The following TYW3 variants were observed in gnomAD, a reference collection of about 807,000 sequenced individuals.
The protein encoded by TYW3 is tRNA wybutosine-synthesizing protein 3 homolog.
A neutral mutation model predicts 23.1 loss-of-function variants in TYW3; 26 were observed. The observed-to-expected ratio is 1.13, with a 90% CI of 0.83 to 1.56. TYW3 has a LOEUF of 1.56. Ranked by LOEUF, TYW3 falls within the 40% of genes most tolerant of loss-of-function variation. The pLI is 0.00. For missense variants in TYW3, 316 were observed against 311.9 expected (o/e 1.01, Z -0.10); for synonymous variants, 102 against 105.7 (o/e 0.97, Z 0.21).
At chr1:74,739,198 A>T (rs1280231516) in intron 3 of TYW3, among the ~76,000 whole-genome samples, 1 of 152,130 alleles carries the variant, frequency 6.6e-6, no homozygotes, top group Non-Finnish European at 1.5e-5. Context: ...TCCTTTTTAT[A>T]CCTTTTATAT....
At chr1:74,748,396 A>G (rs546353714) in intron 3 of TYW3, among the ~76,000 whole-genome samples, 25 of 152,352 alleles carry the variant, frequency 1.6e-4, no homozygotes, top group Admixed American at 7.8e-4. Flanking sequence ...CATTGTACTC[A>G]TTTTAAAAGA....
At chr1:74,761,544 A>AG (rs1286305463) in intron 5 of TYW3, 1 of 152,120 alleles carries the variant, frequency 6.6e-6, no homozygotes, top group Non-Finnish European at 1.5e-5. Flanking sequence ...AAAGAATGGT[A>AG]GAAGATGAGG....
At position 74,733,312 on chromosome 1, in the gene TYW3, AG is replaced by A; in HGVS notation, c.71del (p.Gly24AlafsTer8). ...TTGAGCAAAGCGGACCTCAGCCGGAAGGGCAGTGTTGACGAGGATGTGGTAG... is the reference window on the plus strand; with the variant it reads ...TTGAGCAAAGCGGACCTCAGCCGGAAGGCAGTGTTGACGAGGATGTGGTAG... ...QCLSKADLSR[K>X]GSVDEDVVEL... is the part of the protein sequence containing the mutation. On this transcript the variant is annotated frameshift_variant, in exon 1 of 6. Transcript: ENST00000370867. LOFTEE classifies it high-confidence loss of function. 2.5e-6 allele frequency: 4 copies of A among 1,614,242 alleles called. No homozygotes were observed. The highest frequency in any genetic ancestry group is 2.5e-6 in the Non-Finnish European group (3 of 1,180,042).
intron 5 of TYW3, among the ~76,000 whole-genome samples, chr1:74,759,055 C>T (rs545851454): frequency 2.7e-4 from 41 of 152,302 alleles, no homozygotes; most frequent in Middle Eastern, 3.4e-3. Context: ...TAAATGTTCA[C>T]AAATTTAGTT....
chr1:74,748,890 G>T, intron 4 of TYW3, 68 bp downstream of exon 4: 1 of 1,359,416 alleles, frequency 7.4e-7, no homozygotes, highest in South Asian at 1.2e-5. Context: ...AACCTAATTA[G>T]ACTCCTGCCT....
chr1:74,763,941 A>G lies in TYW3; in HGVS notation c.608A>G (p.Asn203Ser), dbSNP rs1199753065. 3 of 1,607,370 alleles carry G rather than the reference A, an allele frequency of 1.9e-6. No individual in the cohort carries two copies. Among genetic ancestry groups the G allele is most frequent in the Non-Finnish European group, 2.5e-6 (3 of 1,178,334 alleles). ...QHALERETMTNLHPKIKEKNN... is the reference protein window; with the variant it reads ...QHALERETMTSLHPKIKEKNN... ...GCTTTGGAAAGGGAAACGATGACTA[A>G]CTTACATCCCAAGATCAAAGAGAAA... Residue 203 changes from asparagine to serine, a missense_variant, in exon 6 of 6, where the codon AAC (asparagine) becomes AGC (serine). Transcript: ENST00000370867.
rs1247121917 is a variant in TYW3 at position 74,764,299 on chromosome 1, A to G, written c.*186A>G. 1 of 516,474 alleles carries G rather than the reference A, an allele frequency of 1.9e-6. No homozygotes were observed. The highest frequency in any genetic ancestry group is 2.0e-5 in the African/African-American group (1 of 51,240). 32.0% of individuals were successfully genotyped at this position (516,474 alleles called of 1,614,324 possible). A position where few individuals can be genotyped will look rare whatever the true frequency, so the allele number is the denominator to read the frequency against. ...AGTTGTCATCTAAGCTCTCAGCAGT[A>G]CCCGGCTTATCCTACGACTTCACCT... On this transcript the variant is annotated 3_prime_UTR_variant, in exon 6 of 6. Transcript: ENST00000370867.
chr1:74,760,714 A>G (rs1649111473), intron 5 of TYW3, among the ~76,000 whole-genome samples: 1 of 152,206 alleles, frequency 6.6e-6, no homozygotes, highest in South Asian at 2.1e-4. Flanking sequence ...TGTCACATAC[A>G]TGTTGTTTTT....
chr1:74,733,364 A>C lies in TYW3; in HGVS notation c.120A>C (p.Arg40=). The change falls in exon 1 of 6, where the codon CGA becomes CGC. Residue 40 remains arginine, a synonymous_variant. Transcript: ENST00000370867. ...AGCTTGTGCAGTTTCTGAACATGCG[A>C]GATCAGTTTTTCACCACCAGCTCCT... ...VVELVQFLNM[R]DQFFTTSSCA... The C allele has an allele frequency of 6.2e-7, 1 of 1,614,202 alleles. No homozygotes were observed. Among genetic ancestry groups the C allele is most frequent in the Non-Finnish European group, 8.5e-7 (1 of 1,180,032 alleles).
At chr1:74,748,551 G>T in intron 3 of TYW3, 200 bp from the exon 4 acceptor site, 1 of 555,254 alleles carries the variant, frequency 1.8e-6, no homozygotes, top group Non-Finnish European at 3.2e-6. Context: ...CACATCCATA[G>T]TTCATATTTC....
chr1:74,757,206 G>C (rs572830441), intron 5 of TYW3, among the ~76,000 whole-genome samples: 76 of 152,346 alleles, frequency 5.0e-4, no homozygotes, highest in African/African-American at 1.7e-3. Flanking sequence ...GCAATGCCTA[G>C]TGGAGCTGTG....
intron 3 of TYW3, among the ~76,000 whole-genome samples, chr1:74,747,452 A>G (rs1440826868): frequency 1.3e-5 from 2 of 151,518 alleles, no homozygotes; most frequent in Non-Finnish European, 1.5e-5. Context: ...CCCGGCTAAA[A>G]CAGTGAAACC....
chr1:74,763,598 A>AT (rs1185960760), intron 5 of TYW3, among the ~76,000 whole-genome samples: 1 of 152,098 alleles, frequency 6.6e-6, no homozygotes, highest in Non-Finnish European at 1.5e-5. Flanking sequence ...GAGCCATTAC[A>AT]TTTATGTAAT....
Position 74,735,278 on chromosome 1 carries a change from A to G in TYW3, c.175-1264A>G, listed in dbSNP as rs541184454. On this transcript the variant is annotated intron_variant, in intron 1 of 5. Transcript: ENST00000370867. ...TCTTCATCTTTAGCTAGTTACTGAA[A>G]CTAAACTGTTCTTTTCATCTTGTAT... is the stretch of plus-strand genomic sequence containing the variant. Among the ~76,000 whole-genome samples the G allele has an allele frequency of 9.2e-5, 14 of 152,264 alleles. No individual in the cohort carries two copies. The South Asian group carries it at 2.7e-3, about 29-fold the overall frequency.
intron 1 of TYW3, among the ~76,000 whole-genome samples, chr1:74,735,411 A>C (rs1284737440): frequency 6.6e-6 from 1 of 152,112 alleles, no homozygotes; most frequent in Non-Finnish European, 1.5e-5. Context: ...ACCTGAACCC[A>C]CAAACACATA....
intron 5 of TYW3, among the ~76,000 whole-genome samples, chr1:74,758,988 C>T (rs1209280993): frequency 6.6e-6 from 1 of 152,148 alleles, no homozygotes; most frequent in Non-Finnish European, 1.5e-5. Context: ...TCTCCAAAGG[C>T]AAAAACAGTT....
At chr1:74,739,845 C>T (rs1200997917) in intron 3 of TYW3, among the ~76,000 whole-genome samples, 1 of 152,124 alleles carries the variant, frequency 6.6e-6, no homozygotes, top group Non-Finnish European at 1.5e-5. Context: ...AGCACCAAAG[C>T]AGGTGAGAAA....
intron 2 of TYW3, among the ~76,000 whole-genome samples, chr1:74,737,781 G>A (rs1648201487): frequency 6.6e-6 from 1 of 152,146 alleles, no homozygotes; most frequent in African/African-American, 2.4e-5. Flanking sequence ...CCTGACTCAA[G>A]GTCACTAACA....
chr1:74,755,157 C>T (rs1327464516), intron 5 of TYW3, among the ~76,000 whole-genome samples: 1 of 152,040 alleles, frequency 6.6e-6, no homozygotes, highest in Non-Finnish European at 1.5e-5. Flanking sequence ...TAATTGAATC[C>T]ACTTTCAATA....
Sources: allele counts gnomAD v4.1 joint callset (sites outside exome capture counted in the v4.1 genomes callset), GRCh38; gene constraint gnomAD v4.1.1; transcripts MANE v1.5; gene names NCBI Gene and HGNC (gene_info 2026-07-23, HGNC 2026-07-21).